The following GGA1 variants were observed in gnomAD, a reference collection of about 807,000 sequenced individuals.
GGA1 encodes golgi associated, gamma adaptin ear containing, ARF binding protein 1.
In GGA1, 18 loss-of-function variants were observed where a neutral mutation model predicts 76.9. The ratio of observed to expected loss-of-function variants is 0.23; its 90% confidence interval spans 0.16 to 0.35. GGA1 has a LOEUF of 0.35. Among genes scored for constraint, GGA1 ranks in the 10% least tolerant of loss-of-function variants. The probability of loss-of-function intolerance (pLI) is 1.00; values close to 1 mark genes in which losing one functional copy is unlikely to be tolerated. For missense variants in GGA1, 755 were observed against 859.0 expected (o/e 0.88, Z 1.51); for synonymous variants, 342 against 354.7 (o/e 0.96, Z 0.40).
chr22:37,629,935 G>A (rs1430655267), intron 12 of GGA1, 63 bp from the exon 13 acceptor site: 1 of 1,128,812 alleles, frequency 8.9e-7, no homozygotes, highest in Admixed American at 2.5e-5. Flanking sequence ...CCTCAGGGCA[G>A]GATCAGGTGA....
At position 37,625,178 on chromosome 22, in the gene GGA1, A is replaced by G. The variant is rs1468189737; in HGVS notation, c.940+102A>G. 6.5e-6 allele frequency: 7 copies of G among 1,080,574 alleles called. No individual in the cohort carries two copies. The highest frequency in any genetic ancestry group is 9.5e-6 in the Non-Finnish European group (7 of 734,920). 66.9% of individuals were successfully genotyped at this position (1,080,574 alleles called of 1,614,324 possible). A position where few individuals can be genotyped will look rare whatever the true frequency, so the allele number is the denominator to read the frequency against. ...TCTCAGAGCGGCTGGAATGACTGCC[A>G]GGGTGACCCTGGCCCCTTAAGATGG... On this transcript the variant is annotated intron_variant, in intron 10 of 16. Transcript: ENST00000343632. The surrounding 1 kb of genome is among the most constrained non-coding windows in gnomAD (Gnocchi z 4.1).
intron 11 of GGA1, chr22:37,626,581 C>T (rs1930883778): frequency 1.3e-5 from 2 of 152,388 alleles, no homozygotes; most frequent in African/African-American, 2.4e-5. Context: ...TCCTGAGAGC[C>T]ACTGAAGGGA....
chr22:37,616,860 G>A (rs1029027585), intron 2 of GGA1, 62 bp from the exon 3 acceptor site: 47 of 1,484,700 alleles, frequency 3.2e-5, no homozygotes, highest in Admixed American at 9.7e-5. Flanking sequence ...GCCTGGGGTC[G>A]TGGCCCTAGG....
intron 13 of GGA1, 110 bp from the exon 14 acceptor site, chr22:37,630,793 C>T (rs1931662912): frequency 8.1e-6 from 6 of 739,204 alleles, no homozygotes; most frequent in Non-Finnish European, 1.1e-5. Flanking sequence ...GTCTCAAACT[C>T]CTGAGCTCAA....
chr22:37,631,185 G>A (rs970159141), intron 14 of GGA1, 86 bp downstream of exon 14: 2 of 1,143,258 alleles, frequency 1.7e-6, no homozygotes, highest in African/African-American at 1.6e-5. Context: ...TAGTGGGAAA[G>A]CAGGGCTCCC....
intron 1 of GGA1, 85 bp downstream of exon 1, chr22:37,608,988 G>T (rs1176537262): frequency 3.7e-6 from 5 of 1,339,572 alleles, no homozygotes; most frequent in Middle Eastern, 2.8e-4. Context: ...GGCGGGGTAC[G>T]GGTCGCCCCC....
At chr22:37,622,869 T>C (rs566619837) in intron 7 of GGA1, among the ~76,000 whole-genome samples, 3 of 152,332 alleles carry the variant, frequency 2.0e-5, no homozygotes, top group Admixed American at 6.5e-5. Context: ...GGCTCCCCCA[T>C]CTGCCAGGCA....
Position 37,623,705 on chromosome 22 carries a change from C to A in GGA1, c.832+72C>A. ...ACCTCCTGCCCCCACCTCCCCCAGGCCCTGCTAAGTATCTGCAGTTGGAAG... is the reference window on the plus strand; with the variant it reads ...ACCTCCTGCCCCCACCTCCCCCAGGACCTGCTAAGTATCTGCAGTTGGAAG... On this transcript the variant is annotated intron_variant, in intron 9 of 16. Coordinates refer to ENST00000343632, the MANE Select transcript of GGA1 (RefSeq NM_013365.5). This position sits in a 1 kb window ranked among gnomAD's most constrained non-coding sequence, Gnocchi z 4.6. The A allele has an allele frequency of 5.5e-6, 6 of 1,085,930 alleles. No homozygotes were observed. In the South Asian group the frequency reaches 8.3e-5, roughly 15 times the overall value. 67.3% of individuals were successfully genotyped at this position (1,085,930 alleles called of 1,614,324 possible).
At chr22:37,621,303 C>T (rs1159715263) in intron 6 of GGA1, among the ~76,000 whole-genome samples, 1 of 152,174 alleles carries the variant, frequency 6.6e-6, no homozygotes, top group Non-Finnish European at 1.5e-5. Flanking sequence ...GTCTTAGCCC[C>T]AGCCCTGGAG....
At chr22:37,622,224 G>A (rs140690043) in intron 7 of GGA1, among the ~76,000 whole-genome samples, 2 of 143,620 alleles carry the variant, frequency 1.4e-5, no homozygotes, top group South Asian at 2.3e-4. Context: ...CACTAAATAC[G>A]TGTGCCACCA....
At position 37,620,234 on chromosome 22, in the gene GGA1, G is replaced by A. The variant is rs752152043; in HGVS notation, c.304-4G>A. ...TCAAAGGCCTCCCCACTGTGTCCCT[G>A]AAGTATCTGGGCTCTCGGACATCGG... On this transcript the variant is annotated splice_region_variant and splice_polypyrimidine_tract_variant and intron_variant, in intron 4 of 16. Transcript: ENST00000343632. The A allele has an allele frequency of 5.0e-6, 8 of 1,614,032 alleles. No homozygotes were observed. The South Asian group carries it at 8.8e-5, about 18-fold the overall frequency.
In GGA1 at chr22:37,623,693, A is replaced by G. The variant is rs1215638105; in HGVS notation, c.832+60A>G. 5 of 878,518 alleles carry G rather than the reference A, an allele frequency of 5.7e-6. 1 individual carries two copies. The South Asian group carries it at 8.0e-5, about 14-fold the overall frequency. 54.4% of individuals were successfully genotyped at this position (878,518 alleles called of 1,614,324 possible). On this transcript the variant is annotated intron_variant, in intron 9 of 16. Coordinates refer to ENST00000343632, the MANE Select transcript of GGA1 (RefSeq NM_013365.5). This position sits in a 1 kb window ranked among gnomAD's most constrained non-coding sequence, Gnocchi z 4.6. ...CCCTCTCCCTCCACCTCCTGCCCCCACCTCCCCCAGGCCCTGCTAAGTATC... is the reference window on the plus strand; with the variant it reads ...CCCTCTCCCTCCACCTCCTGCCCCCGCCTCCCCCAGGCCCTGCTAAGTATC...
In GGA1 at chr22:37,620,437, T is replaced by C. The variant is rs114742362; in HGVS notation, c.427+76T>C. 1.5e-3 allele frequency: 2,325 copies of C among 1,517,418 alleles called. 42 individuals carry two copies. The African/African-American group carries it at 0.029, about 19-fold the overall frequency. The allele number at this position is 1,517,418 out of a possible 1,614,324, so 94.0% of individuals were successfully genotyped here. On this transcript the variant is annotated intron_variant, in intron 5 of 16. Transcript: ENST00000343632. Reference sequence around the variant, plus strand: ...CACCATGAGCTGGGGCTCCAGCGGCTTCAGGGGCTTCTGAGCCAGCAAGGT... The same window carrying C: ...CACCATGAGCTGGGGCTCCAGCGGCCTCAGGGGCTTCTGAGCCAGCAAGGT...
rs752444230 is a variant in GGA1 at position 37,630,004 on chromosome 22, G to A, written c.1165G>A (p.Asp389Asn). 3.5e-5 allele frequency: 54 copies of A among 1,560,244 alleles called. No individual in the cohort carries two copies. The highest frequency in any genetic ancestry group is 1.7e-4 in the Middle Eastern group (1 of 5,828). The change falls in exon 13 of 17, where the codon GAT (aspartate) becomes AAT (asparagine). Residue 389 changes from aspartate (D) to asparagine (N), a missense_variant. Transcript: ENST00000343632. ...TGCATCCTTTTCCCCACAGTCGTCG[G>A]ATGCCACTGAGCCCCCAGCCCCTGC... ...GTGWNSFQSS[D>N]ATEPPAPALA...
intron 7 of GGA1, among the ~76,000 whole-genome samples, chr22:37,622,567 G>A (rs1601534154): frequency 6.6e-6 from 1 of 151,954 alleles, no homozygotes; most frequent in Non-Finnish European, 1.5e-5. Context: ...AAAGGCACAC[G>A]CTACAGCGCC....
At chr22:37,618,243 T>C in intron 3 of GGA1, 1 of 556,364 alleles carries the variant, frequency 1.8e-6, no homozygotes, top group South Asian at 2.3e-5. Flanking sequence ...CTGGGCACTG[T>C]ATGTAGGTCG....
At chr22:37,618,183 G>T (rs1929172766) in intron 3 of GGA1, 1 of 383,592 alleles carries the variant, frequency 2.6e-6, no homozygotes, top group African/African-American at 2.1e-5. Context: ...ACTCAGATGT[G>T]GGGCCTAAGC....
At chr22:37,630,775 C>T (rs1931660218) in intron 13 of GGA1, 128 bp from the exon 14 acceptor site, 1 of 664,884 alleles carries the variant, frequency 1.5e-6, no homozygotes. Flanking sequence ...GCCATGTTGC[C>T]CAGGCTGGTC....
At chr22:37,615,347 G>A (rs1928568003) in intron 2 of GGA1, among the ~76,000 whole-genome samples, 1 of 152,192 alleles carries the variant, frequency 6.6e-6, no homozygotes, top group African/African-American at 2.4e-5. Flanking sequence ...TACTCGGGAG[G>A]CTGAGGCAGG....
Sources: gnomAD v4.1 joint callset for allele counts (sites outside exome capture counted in the v4.1 genomes callset) on GRCh38, gnomAD v4.1.1 for gene constraint, Gnocchi (gnomAD v3.1) non-coding constraint, MANE v1.5 for transcripts, NCBI Gene and HGNC (gene_info 2026-07-23, HGNC 2026-07-21) for gene names.